The following USP10 variants were observed in gnomAD, a reference collection of about 807,000 sequenced individuals.
The protein encoded by USP10 is ubiquitin specific peptidase 10.
A neutral mutation model predicts 84.5 loss-of-function variants in USP10; 22 were observed. The ratio of observed to expected loss-of-function variants is 0.26; its 90% CI spans 0.19 to 0.37. The LOEUF (loss-of-function observed/expected upper bound fraction) is 0.37, where lower values mean the gene tolerates loss of function less well. Ranked by LOEUF, USP10 falls within the 10% of genes least tolerant of loss-of-function variation. USP10 has a pLI of 1.00. For synonymous variants in USP10, 454 were observed against 387.6 expected, an observed-to-expected ratio of 1.17 and a Z score of -2.01; for missense variants, 1,019 against 998.9, an observed-to-expected ratio of 1.02 and a Z score of -0.27.
chr16:84,700,543 G>T (rs1337120196), intron 1 of USP10, among the ~76,000 whole-genome samples: 3 of 152,144 alleles, frequency 2.0e-5, no homozygotes, highest in African/African-American at 7.2e-5. Flanking sequence ...CCTGGAGCGA[G>T]CCTCAGAGAT....
chr16:84,749,326 A>G (rs541009511), intron 4 of USP10, among the ~76,000 whole-genome samples: 196 of 152,338 alleles, frequency 1.3e-3, no homozygotes, highest in African/African-American at 4.5e-3. Flanking sequence ...GTGAAAGTCT[A>G]GTTTCATTAA....
chr16:84,770,973 C>G (rs1006562383), intron 11 of USP10, among the ~76,000 whole-genome samples: 3 of 151,504 alleles, frequency 2.0e-5, no homozygotes, highest in Non-Finnish European at 4.4e-5. Context: ...GGCTGAATCA[C>G]TTGAACCCTG....
intron 12 of USP10, among the ~76,000 whole-genome samples, chr16:84,774,288 T>G (rs1914749770): frequency 6.6e-6 from 1 of 151,896 alleles, no homozygotes; most frequent in Non-Finnish European, 1.5e-5. Flanking sequence ...AGGACCTCAC[T>G]TGGGTCATGG....
At chr16:84,702,993 CAAAAAA>C (rs1157728872) in intron 1 of USP10, among the ~76,000 whole-genome samples, 2 of 52,174 alleles carry the variant, frequency 3.8e-5, no homozygotes, top group African/African-American at 8.6e-5. Context: ...ACTCCCGTCT[CAAAAAA>C]AAAAAAAAAA....
intron 12 of USP10, among the ~76,000 whole-genome samples, chr16:84,773,635 C>T (rs1331308400): frequency 1.3e-5 from 2 of 152,178 alleles, no homozygotes; most frequent in East Asian, 3.9e-4. Context: ...GTCCGTTGCT[C>T]CTCTCACACT....
chr16:84,754,694 A>G (rs561194662), intron 4 of USP10, among the ~76,000 whole-genome samples: 8 of 152,348 alleles, frequency 5.3e-5, no homozygotes, highest in African/African-American at 1.9e-4. Context: ...TAGAAACTAA[A>G]GGTTTCTGTC....
At chr16:84,732,468 A>G (rs1460826954) in intron 1 of USP10, 2 of 382,234 alleles carry the variant, frequency 5.2e-6, no homozygotes, top group East Asian at 1.0e-4. Context: ...TCTTTTTGAG[A>G]TGGAGTCTGG....
intron 1 of USP10, among the ~76,000 whole-genome samples, chr16:84,717,217 A>G (rs1404763257): frequency 6.6e-6 from 1 of 151,902 alleles, no homozygotes; most frequent in Non-Finnish European, 1.5e-5. Context: ...AAGTTCTGAA[A>G]TCATACGCAG....
chr16:84,769,932 G>C (rs1266550911), intron 11 of USP10, among the ~76,000 whole-genome samples: 1 of 152,162 alleles, frequency 6.6e-6, no homozygotes, highest in Non-Finnish European at 1.5e-5. Flanking sequence ...TAAATAGCAG[G>C]TTTGGATGAA....
At chr16:84,774,187 T>C (rs1914736968) in intron 12 of USP10, among the ~76,000 whole-genome samples, 1 of 151,640 alleles carries the variant, frequency 6.6e-6, no homozygotes, top group African/African-American at 2.4e-5. Flanking sequence ...GAAGCAGAGG[T>C]TGCTGAGATC....
At chr16:84,765,684 G>C (rs1274222542) in intron 10 of USP10, among the ~76,000 whole-genome samples, 3 of 152,138 alleles carry the variant, frequency 2.0e-5, no homozygotes, top group Non-Finnish European at 2.9e-5. Context: ...TCCACAGACA[G>C]TTGTTTCCCT....
At position 84,700,081 on chromosome 16, in the gene USP10, A is replaced by T; in HGVS notation, c.-10A>T. The stretch of plus-strand genomic sequence containing the variant: ...CGGAGGATCGCGGAGTCCCAATGAA[A>T]CGGGCAGCCATGGCCCTCCACAGCC... On this transcript the variant is annotated 5_prime_UTR_variant, in exon 1 of 14. Transcript: ENST00000219473. 7.3e-7 allele frequency: 1 copy of T among 1,371,484 alleles called. No individual in the cohort carries two copies. Among genetic ancestry groups the T allele is most frequent in the Non-Finnish European group, 9.6e-7 (1 of 1,042,292 alleles). The allele number at this position is 1,371,484 out of a possible 1,614,324, so 85.0% of individuals were successfully genotyped here.
chr16:84,760,055 T>C, intron 7 of USP10, 109 bp downstream of exon 7: 2 of 1,514,662 alleles, frequency 1.3e-6, no homozygotes, highest in African/African-American at 1.4e-5. Flanking sequence ...TCTTTACACC[T>C]ATGCCATTCT....
chr16:84,712,122 T>A (rs1906385713), intron 1 of USP10, among the ~76,000 whole-genome samples: 1 of 152,234 alleles, frequency 6.6e-6, no homozygotes, highest in Non-Finnish European at 1.5e-5. Flanking sequence ...ATTCATCAGT[T>A]GATCTCTTTT....
At chr16:84,777,186 G>C (rs1027160281) in intron 13 of USP10, among the ~76,000 whole-genome samples, 1 of 152,160 alleles carries the variant, frequency 6.6e-6, no homozygotes, top group South Asian at 2.1e-4. Context: ...CTCCTGTCAG[G>C]GGGGCTTGCA....
At chr16:84,762,846 C>T in intron 8 of USP10, 143 bp from the exon 9 acceptor site, 1 of 513,796 alleles carries the variant, frequency 1.9e-6, no homozygotes, top group Non-Finnish European at 3.5e-6. Context: ...CAAGGGAAAC[C>T]CATGTCATCA....
At chr16:84,757,443 G>GTGTGTGTGTT (rs1287681148) in intron 4 of USP10, among the ~76,000 whole-genome samples, 6 of 145,796 alleles carry the variant, frequency 4.1e-5, no homozygotes, top group African/African-American at 1.5e-4. Context: ...GTGTGTGTGT[G>GTGTGTGTGTT]TGTTTTGAAT....
intron 2 of USP10, 141 bp downstream of exon 2, chr16:84,733,644 C>A (rs957931619): frequency 5.5e-6 from 3 of 542,914 alleles, no homozygotes; most frequent in Non-Finnish European, 9.4e-6. Context: ...CTCAACCCAC[C>A]AACTAGATTT....
intron 4 of USP10, among the ~76,000 whole-genome samples, chr16:84,746,370 G>T (rs892991246): frequency 3.9e-5 from 6 of 152,194 alleles, no homozygotes; most frequent in African/African-American, 1.4e-4. Flanking sequence ...AACTAAGATG[G>T]ATATGTGTTC....
Sources: gnomAD v4.1 joint callset for allele counts (sites outside exome capture counted in the v4.1 genomes callset) on GRCh38, gnomAD v4.1.1 for gene constraint, MANE v1.5 for transcripts, NCBI Gene and HGNC (gene_info 2026-07-23, HGNC 2026-07-21) for gene names.